The following ACTL8 variants were observed in gnomAD, a reference collection of about 807,000 sequenced individuals.
ACTL8 encodes actin-like protein 8.
In ACTL8, 3 loss-of-function variants were observed where a neutral mutation model predicts 9.3. The observed-to-expected ratio is 0.32, with a 90% CI of 0.15 to 0.83. The LOEUF (loss-of-function observed/expected upper bound fraction) is 0.83. Ranked by LOEUF, ACTL8 falls within the 40% of genes least tolerant of loss-of-function variation. The pLI is 0.57. For synonymous variants in ACTL8, 224 were observed against 205.9 expected (o/e 1.09, Z -0.75); for missense variants, 381 against 492.2 (o/e 0.77, Z 2.14).
intron 1 of ACTL8, among the ~76,000 whole-genome samples, chr1:17,822,359 C>G (rs1350718052): frequency 1.3e-5 from 2 of 152,226 alleles, no homozygotes; most frequent in Non-Finnish European, 2.9e-5. Context: ...TGTGAAATTG[C>G]TGATCTCTGA....
intron 1 of ACTL8, among the ~76,000 whole-genome samples, chr1:17,763,817 G>A (rs1198590431): frequency 7.9e-5 from 12 of 152,226 alleles, no homozygotes; most frequent in Admixed American, 7.8e-4. Flanking sequence ...GGTTTTGTGA[G>A]TGTGCAGTGG....
Position 17,778,528 on chromosome 1 carries a change from A to C in ACTL8, c.-25+23024A>C, listed in dbSNP as rs756608454. Among the ~76,000 whole-genome samples, 179 of 152,214 alleles carry C rather than the reference A, an allele frequency of 1.2e-3. 1 individual carries two copies. Among genetic ancestry groups the C allele is most frequent in the Admixed American group, 1.6e-3 (24 of 15,290 alleles). On this transcript the variant is annotated intron_variant, in intron 1 of 2. Coordinates refer to ENST00000375406, the MANE Select transcript of ACTL8 (RefSeq NM_030812.3). ...TTCAGAGAAGGGCCACTTTTGGTGA[A>C]GCAAAAATCCCAAGGACCCTGGGAT...
At chr1:17,781,767 G>A (rs1164239022) in intron 1 of ACTL8, among the ~76,000 whole-genome samples, 2 of 152,068 alleles carry the variant, frequency 1.3e-5, no homozygotes, top group Non-Finnish European at 1.5e-5. Context: ...AGATCCATAC[G>A]TAAAATCCCA....
chr1:17,802,323 G>A (rs2066327416), intron 1 of ACTL8, among the ~76,000 whole-genome samples: 2 of 152,144 alleles, frequency 1.3e-5, no homozygotes, highest in Non-Finnish European at 2.9e-5. Flanking sequence ...GCTGGGGAGT[G>A]TTTCCCTGGG....
chr1:17,811,435 G>A lies in ACTL8; in HGVS notation c.-24-11550G>A, dbSNP rs116822337. Reference sequence around the variant, plus strand: ...TTCTCTTGATAGTGTCTTTCAAAGAGCAGAATTTTAAAATTTTGGTGAAGT... The same window carrying A: ...TTCTCTTGATAGTGTCTTTCAAAGAACAGAATTTTAAAATTTTGGTGAAGT... On this transcript the variant is annotated intron_variant, in intron 1 of 2. Transcript: ENST00000375406. 6.5e-3 allele frequency among the ~76,000 whole-genome samples: 985 copies of A among 152,240 alleles called. 3 individuals carry two copies. Among genetic ancestry groups the A allele is most frequent in the Non-Finnish European group, 0.011 (715 of 68,022 alleles).
chr1:17,797,361 A>G (rs2066284677), intron 1 of ACTL8, among the ~76,000 whole-genome samples: 1 of 152,150 alleles, frequency 6.6e-6, no homozygotes, highest in African/African-American at 2.4e-5. Flanking sequence ...GAGACCACGT[A>G]TGCTTTGGAG....
chr1:17,797,474 C>T (rs890515125), intron 1 of ACTL8, among the ~76,000 whole-genome samples: 1 of 152,198 alleles, frequency 6.6e-6, no homozygotes, highest in African/African-American at 2.4e-5. Flanking sequence ...AAGGAGTGTT[C>T]TGTAACCACC....
chr1:17,825,460 G>A (rs2053707109), intron 2 of ACTL8, among the ~76,000 whole-genome samples: 1 of 152,122 alleles, frequency 6.6e-6, no homozygotes, highest in Non-Finnish European at 1.5e-5. Context: ...GTGACCCGTG[G>A]CCATGTTGCT....
intron 1 of ACTL8, among the ~76,000 whole-genome samples, chr1:17,769,025 G>C (rs1230641611): frequency 6.6e-6 from 1 of 152,164 alleles, no homozygotes; most frequent in Non-Finnish European, 1.5e-5. Context: ...CAGATGAAGA[G>C]ACGGGGGGTC....
At chr1:17,794,979 G>A (rs749371611) in intron 1 of ACTL8, among the ~76,000 whole-genome samples, 1 of 152,214 alleles carries the variant, frequency 6.6e-6, no homozygotes, top group Non-Finnish European at 1.5e-5. Context: ...GCAGCTCACT[G>A]TATCAGTTTA....
At chr1:17,760,972 C>T (rs919010657) in intron 1 of ACTL8, among the ~76,000 whole-genome samples, 5 of 151,992 alleles carry the variant, frequency 3.3e-5, no homozygotes, top group African/African-American at 9.7e-5. Flanking sequence ...GCGGCAGTGA[C>T]GTTTAAATAA....
chr1:17,804,524 A>T (rs546689355), intron 1 of ACTL8, among the ~76,000 whole-genome samples: 5 of 152,118 alleles, frequency 3.3e-5, no homozygotes, highest in African/African-American at 9.6e-5. Context: ...GGCAACGAGG[A>T]CACAGGGACC....
intron 2 of ACTL8, among the ~76,000 whole-genome samples, chr1:17,825,471 C>A (rs1023863478): frequency 1.4e-4 from 22 of 152,160 alleles, no homozygotes; most frequent in African/African-American, 4.3e-4. Flanking sequence ...CCATGTTGCT[C>A]CTGCAGCCAG....
At chr1:17,821,064 T>C (rs1237067007) in intron 1 of ACTL8, among the ~76,000 whole-genome samples, 1 of 152,188 alleles carries the variant, frequency 6.6e-6, no homozygotes, top group Non-Finnish European at 1.5e-5. Context: ...TACCTTTTCA[T>C]GTGTTTATGT....
chr1:17,766,493 C>G (rs1226870481), intron 1 of ACTL8, among the ~76,000 whole-genome samples: 2 of 152,204 alleles, frequency 1.3e-5, no homozygotes, highest in African/African-American at 4.8e-5. Flanking sequence ...GATTATTCTA[C>G]CACTATCTAA....
rs619993 is a variant in ACTL8, at chr1:17,823,835, C to T, written c.348+479C>T. On this transcript the variant is annotated intron_variant, in intron 2 of 2. Coordinates refer to ENST00000375406, the MANE Select transcript of ACTL8 (RefSeq NM_030812.3). This position sits in a 1 kb window ranked among gnomAD's most constrained non-coding sequence, Gnocchi z 5.3. ...GTGTGCCACTAAGCAGGGGAGCTCA[C>T]GGAGGCCCCACCTGCAGACGGACAT... Among the ~76,000 whole-genome samples the T allele has an allele frequency of 0.56, 85,339 of 152,034 alleles. 24,513 individuals carry two copies. Among genetic ancestry groups the T allele is most frequent in the East Asian group, 0.75 (3,886 of 5,168 alleles).
At chr1:17,816,196 A>T (rs530967225) in intron 1 of ACTL8, among the ~76,000 whole-genome samples, 9 of 136,856 alleles carry the variant, frequency 6.6e-5, no homozygotes, top group African/African-American at 2.6e-4. Flanking sequence ...CAAAATATTA[A>T]TAGCTTTTTT....
chr1:17,805,810 A>G (rs61766679), intron 1 of ACTL8, among the ~76,000 whole-genome samples: 8,763 of 152,260 alleles, frequency 0.058, 345 homozygotes, highest in African/African-American at 0.11. Flanking sequence ...TGTATGGTAC[A>G]TAGAAGGTGC....
chr1:17,777,196 CAT>C (rs1227659293), intron 1 of ACTL8, among the ~76,000 whole-genome samples: 3 of 151,966 alleles, frequency 2.0e-5, no homozygotes, highest in East Asian at 1.9e-4. Flanking sequence ...AAATGCCAAT[CAT>C]GTGTCTATTG....
Sources: allele counts gnomAD v4.1 joint callset (sites outside exome capture counted in the v4.1 genomes callset), GRCh38; gene constraint gnomAD v4.1.1; non-coding constraint Gnocchi (gnomAD v3.1); transcripts MANE v1.5; gene names NCBI Gene and HGNC (gene_info 2026-07-23, HGNC 2026-07-21).